CLEC16A: variants seen among roughly 807,000 people sequenced by gnomAD.
The protein encoded by CLEC16A is protein CLEC16A.
CLEC16A carries 51 observed loss-of-function variants against 109.5 expected under a neutral mutation model. The observed-to-expected ratio is 0.47, with a 90% CI of 0.37 to 0.59. The LOEUF (loss-of-function observed/expected upper bound fraction) is 0.59. Among genes scored for constraint, CLEC16A ranks in the 20% least tolerant of loss-of-function variants. CLEC16A has a pLI of 0.00. For synonymous variants in CLEC16A, 673 were observed against 564.2 expected, an observed-to-expected ratio of 1.19 and a Z score of -2.73; for missense variants, 1,339 against 1,394.0, an observed-to-expected ratio of 0.96 and a Z score of 0.63.
At chr16:10,988,960 G>C (rs561343706) in intron 10 of CLEC16A, among the ~76,000 whole-genome samples, 45 of 152,246 alleles carry the variant, frequency 3.0e-4, no homozygotes, top group African/African-American at 1.1e-3. Context: ...TCTTCCCTGG[G>C]CTTACGAGCT....
Position 11,026,880 on chromosome 16 carries a change from A to G in CLEC16A, c.1537+1959A>G, listed in dbSNP as rs79285252. Reference sequence around the variant, plus strand: ...AGGAATGGGGGTTAGCAGGACCTCAATGGCTCACTATGGCTAAGTGAACGC... The same window carrying G: ...AGGAATGGGGGTTAGCAGGACCTCAGTGGCTCACTATGGCTAAGTGAACGC... On this transcript the variant is annotated intron_variant, in intron 13 of 23. Coordinates refer to ENST00000409790, the MANE Select transcript of CLEC16A (RefSeq NM_015226.3). 714 of 678,476 alleles carry G rather than the reference A, an allele frequency of 1.1e-3. 1 individual carries two copies. Among genetic ancestry groups the G allele is most frequent in the East Asian group, 6.4e-3 (246 of 38,718 alleles). 42.0% of individuals were successfully genotyped at this position (678,476 alleles called of 1,614,324 possible).
chr16:11,163,179 G>A (rs979199987), intron 22 of CLEC16A, among the ~76,000 whole-genome samples: 7 of 152,194 alleles, frequency 4.6e-5, no homozygotes, highest in African/African-American at 1.4e-4. Context: ...AGGACAGGGC[G>A]CTCTGGCCAT....
intron 11 of CLEC16A, among the ~76,000 whole-genome samples, 180 bp from the exon 12 acceptor site, chr16:11,020,013 C>G (rs997297331): frequency 6.6e-6 from 1 of 152,212 alleles, no homozygotes; most frequent in African/African-American, 2.4e-5. Flanking sequence ...GAAAGAGAGG[C>G]TCTGGCCTCT....
rs1373474880 is a variant in CLEC16A, at chr16:11,174,420, T to G, written c.2807-3915T>G. 3.1e-5 allele frequency: 11 copies of G among 352,742 alleles called. No homozygotes were observed. In the East Asian group the frequency reaches 8.8e-4, roughly 28 times the overall value. The allele number at this position is 352,742 out of a possible 1,614,324, so 21.9% of individuals were successfully genotyped here. A position where few individuals can be genotyped will look rare whatever the true frequency, so the allele number is the denominator to read the frequency against. On this transcript the variant is annotated intron_variant, in intron 23 of 23. Coordinates refer to ENST00000409790, the MANE Select transcript of CLEC16A (RefSeq NM_015226.3). This position sits in a 1 kb window ranked among gnomAD's most constrained non-coding sequence, Gnocchi z 4.7. The stretch of plus-strand genomic sequence containing the variant: ...TTGCCAAGGCGGCACTTCCCCATTT[T>G]CCCCCAAAGTTGGTTCTCCCTGCTC...
chr16:11,137,663 G>T (rs562415271), intron 22 of CLEC16A, among the ~76,000 whole-genome samples: 1 of 150,278 alleles, frequency 6.7e-6, no homozygotes, highest in African/African-American at 2.4e-5. Flanking sequence ...ACAAAAAGTA[G>T]CCGGGCGTGG....
chr16:11,060,405 C>T (rs546159083), intron 18 of CLEC16A, among the ~76,000 whole-genome samples: 4 of 152,232 alleles, frequency 2.6e-5, no homozygotes, highest in Admixed American at 6.5e-5. Flanking sequence ...CTGTCTGCCC[C>T]ACCCCCGTAT....
chr16:10,999,415 G>T (rs542192802), intron 10 of CLEC16A, among the ~76,000 whole-genome samples: 3 of 152,052 alleles, frequency 2.0e-5, no homozygotes, highest in Non-Finnish European at 4.4e-5. Context: ...ACACCATCAC[G>T]TATAGCCTTT....
chr16:11,104,288 TA>T (rs2051092982), intron 19 of CLEC16A, among the ~76,000 whole-genome samples: 2 of 147,760 alleles, frequency 1.4e-5, no homozygotes, highest in Non-Finnish European at 3.0e-5. Context: ...TTTTTTTTAT[TA>T]AAATTATCTC....
chr16:11,126,254 C>T (rs759223396), intron 22 of CLEC16A, 108 bp downstream of exon 22: 27 of 1,562,180 alleles, frequency 1.7e-5, no homozygotes, highest in African/African-American at 5.4e-5. Context: ...TCAGAAGCCC[C>T]GTCGGCTGGC....
Position 11,179,208 on chromosome 16 carries a change from T to C in CLEC16A, c.*518T>C, listed in dbSNP as rs1395269783. The C allele has an allele frequency of 1.3e-5, 2 of 153,054 alleles. No homozygotes were observed. The highest frequency in any genetic ancestry group is 2.9e-5 in the Non-Finnish European group (2 of 68,670). The allele number at this position is 153,054 out of a possible 1,614,324, so 9.5% of individuals were successfully genotyped here. A position where few individuals can be genotyped will look rare whatever the true frequency, so the allele number is the denominator to read the frequency against. On this transcript the variant is annotated 3_prime_UTR_variant, in exon 24 of 24. Coordinates refer to ENST00000409790, the MANE Select transcript of CLEC16A (RefSeq NM_015226.3). ...AAAAGAAGTCCAAAAACATCAACAC[T>C]AAGGTTTGATGTCATGTGAAAAGTG...
At chr16:11,070,362 A>G (rs1040381971) in intron 19 of CLEC16A, among the ~76,000 whole-genome samples, 17 of 143,104 alleles carry the variant, frequency 1.2e-4, no homozygotes, top group South Asian at 4.4e-4. Flanking sequence ...GAGCCACTGC[A>G]CCCGGCCTTT....
Position 10,957,574 on chromosome 16 carries a change from G to T in CLEC16A, c.81-208G>T, listed in dbSNP as rs967016569. On this transcript the variant is annotated intron_variant, in intron 1 of 23. Transcript: ENST00000409790. The stretch of plus-strand genomic sequence containing the variant: ...TTTGACGATTTTCTTGTCTCCGTCT[G>T]GGTTGGTGTGTCCTTGGTTTAACCC... Among the ~76,000 whole-genome samples, 3 of 152,182 alleles carry T rather than the reference G, an allele frequency of 2.0e-5. 1 individual carries two copies. In the South Asian group the frequency reaches 6.2e-4, roughly 32 times the overall value.
At chr16:11,000,625 G>A (rs1339719922) in intron 10 of CLEC16A, among the ~76,000 whole-genome samples, 3 of 152,174 alleles carry the variant, frequency 2.0e-5, no homozygotes, top group Non-Finnish European at 1.5e-5. Context: ...TTCTCAGAAC[G>A]CTCCCATCTG....
chr16:11,161,112 T>G (rs1050703860), intron 22 of CLEC16A, among the ~76,000 whole-genome samples: 1 of 152,226 alleles, frequency 6.6e-6, no homozygotes, highest in Admixed American at 6.5e-5. Context: ...GTTTTAAGCC[T>G]TCCCAATAAA....
chr16:11,075,849 C>G (rs770691651), intron 19 of CLEC16A, among the ~76,000 whole-genome samples: 2 of 152,024 alleles, frequency 1.3e-5, no homozygotes. Flanking sequence ...TTGATAGAGC[C>G]CAGTTGACGA....
intron 11 of CLEC16A, among the ~76,000 whole-genome samples, chr16:11,005,015 G>T (rs987221226): frequency 1.3e-5 from 2 of 152,194 alleles, no homozygotes; most frequent in East Asian, 1.9e-4. Flanking sequence ...TAGTTGTTCT[G>T]TTGCCACACT....
chr16:10,952,271 A>G (rs2041773559), intron 1 of CLEC16A, among the ~76,000 whole-genome samples: 1 of 152,222 alleles, frequency 6.6e-6, no homozygotes, highest in South Asian at 2.1e-4. Context: ...AGGCAGGCAG[A>G]TCAGTTGAGG....
intron 10 of CLEC16A, among the ~76,000 whole-genome samples, chr16:10,986,417 ACAGCATCATT>A (rs1473135372): frequency 1.3e-5 from 2 of 152,208 alleles, no homozygotes; most frequent in African/African-American, 4.8e-5. Flanking sequence ...GAGTGTAGGC[ACAGCATCATT>A]CAGCAGATTT....
At chr16:11,117,977 T>C (rs1442835826) in intron 19 of CLEC16A, among the ~76,000 whole-genome samples, 1 of 151,004 alleles carries the variant, frequency 6.6e-6, no homozygotes, top group Non-Finnish European at 1.5e-5. Context: ...CTTTTTCTTT[T>C]CTTTTCTTTT....
Sources: gnomAD v4.1 joint callset for allele counts (sites outside exome capture counted in the v4.1 genomes callset) on GRCh38, gnomAD v4.1.1 for gene constraint, Gnocchi (gnomAD v3.1) non-coding constraint, MANE v1.5 for transcripts, NCBI Gene and HGNC (gene_info 2026-07-23, HGNC 2026-07-21) for gene names.